ETV6: variants seen among roughly 807,000 people sequenced by gnomAD.
The protein encoded by ETV6 is ETS variant transcription factor 6, also known as transcription factor ETV6.
Under a neutral mutation model 51.1 loss-of-function variants are expected in ETV6, and 16 were observed. The observed-to-expected ratio is 0.31, with a 90% CI of 0.21 to 0.48. The LOEUF (loss-of-function observed/expected upper bound fraction) is 0.48. Ranked by LOEUF, ETV6 falls within the 20% of genes least tolerant of loss-of-function variation. The pLI is 0.99. For missense variants in ETV6, 458 were observed against 594.8 expected (o/e 0.77, Z 2.39); for synonymous variants, 240 against 224.1 (o/e 1.07, Z -0.64).
intron 1 of ETV6, among the ~76,000 whole-genome samples, 170 bp from the exon 2 acceptor site, chr12:11,752,280 C>A (rs1866045053): frequency 2.0e-5 from 3 of 152,180 alleles, no homozygotes; most frequent in African/African-American, 7.2e-5. Context: ...ATCTGAAAGA[C>A]AACTGTATAC....
intron 1 of ETV6, among the ~76,000 whole-genome samples, chr12:11,658,336 A>G (rs935878900): frequency 1.3e-5 from 2 of 152,196 alleles, no homozygotes; most frequent in Admixed American, 6.5e-5. Context: ...CCCAGGTTCA[A>G]GCAATTCTGC....
At chr12:11,673,447 T>G (rs1034495869) in intron 1 of ETV6, among the ~76,000 whole-genome samples, 4 of 152,184 alleles carry the variant, frequency 2.6e-5, no homozygotes, top group African/African-American at 7.2e-5. Flanking sequence ...AACCTTCTGC[T>G]GCCCAGGTAT....
At chr12:11,756,486 A>G (rs911764736) in intron 2 of ETV6, among the ~76,000 whole-genome samples, 29 of 152,260 alleles carry the variant, frequency 1.9e-4, no homozygotes, top group Non-Finnish European at 3.8e-4. Flanking sequence ...GGGAAAAAAA[A>G]AGTTGCATTC....
At chr12:11,758,589 T>C (rs1945038676) in intron 2 of ETV6, among the ~76,000 whole-genome samples, 1 of 152,172 alleles carries the variant, frequency 6.6e-6, no homozygotes, top group African/African-American at 2.4e-5. Flanking sequence ...CCTACCCACA[T>C]GTCTCTCCCT....
At chr12:11,693,248 C>T (rs557586558) in intron 1 of ETV6, among the ~76,000 whole-genome samples, 26 of 152,198 alleles carry the variant, frequency 1.7e-4, no homozygotes, top group Non-Finnish European at 3.2e-4. Flanking sequence ...ACATTTGCCA[C>T]GCAGGCCGTG....
chr12:11,830,847 A>G (rs1946233515), intron 2 of ETV6, among the ~76,000 whole-genome samples: 1 of 152,210 alleles, frequency 6.6e-6, no homozygotes, highest in African/African-American at 2.4e-5. Flanking sequence ...GCTAATTTGC[A>G]CTCAAATCTG....
chr12:11,705,325 T>C (rs1034216080), intron 1 of ETV6, among the ~76,000 whole-genome samples: 1 of 152,190 alleles, frequency 6.6e-6, no homozygotes, highest in African/African-American at 2.4e-5. Flanking sequence ...AGCCAAAGGC[T>C]CTCAAAAAAT....
chr12:11,865,902 T>C (rs1335989035), intron 4 of ETV6, among the ~76,000 whole-genome samples: 2 of 152,050 alleles, frequency 1.3e-5, no homozygotes, highest in African/African-American at 2.4e-5. Flanking sequence ...TCGAATTTAC[T>C]GTTGTTGATA....
At chr12:11,853,645 T>G in intron 4 of ETV6, 84 bp downstream of exon 4, 1 of 1,466,974 alleles carries the variant, frequency 6.8e-7, no homozygotes, top group South Asian at 1.2e-5. Context: ...GCTGGTCTTC[T>G]TCGTGTAAGT....
Position 11,677,908 on chromosome 12 carries a change from C to T in ETV6, c.33+27748C>T, listed in dbSNP as rs61921764. On this transcript the variant is annotated intron_variant, in intron 1 of 7. Transcript: ENST00000396373. ...GTGCAGTCACCGGAGCGCCTCCCAG[C>T]GTCCTCTGGCACAGGTAGGTGCTTC... 7.2e-5 allele frequency among the ~76,000 whole-genome samples: 11 copies of T among 152,360 alleles called. 1 individual carries two copies. In the South Asian group the frequency reaches 1.9e-3, roughly 26 times the overall value.
intron 1 of ETV6, among the ~76,000 whole-genome samples, chr12:11,675,413 T>C (rs557401638): frequency 6.6e-6 from 1 of 152,366 alleles, no homozygotes; most frequent in African/African-American, 2.4e-5. Flanking sequence ...TTTTGGAAAA[T>C]ATACTTTCTC....
chr12:11,889,141 G>A (rs1168640203), intron 7 of ETV6, among the ~76,000 whole-genome samples: 1 of 152,180 alleles, frequency 6.6e-6, no homozygotes, highest in Non-Finnish European at 1.5e-5. Flanking sequence ...TAGGACATCT[G>A]TGGAGTTGGC....
At chr12:11,806,392 T>C (rs1273757214) in intron 2 of ETV6, among the ~76,000 whole-genome samples, 3 of 152,196 alleles carry the variant, frequency 2.0e-5, no homozygotes, top group Non-Finnish European at 4.4e-5. Flanking sequence ...AGGATAAGCA[T>C]TTGATAGTGT....
At chr12:11,884,374 T>TTTGA in intron 5 of ETV6, 71 bp from the exon 6 acceptor site, 1 of 1,556,086 alleles carries the variant, frequency 6.4e-7, no homozygotes, top group Non-Finnish European at 8.8e-7. Flanking sequence ...TGGATTCTTT[T>TTTGA]TTGATTCTTC....
At chr12:11,854,317 A>G (rs949990898) in intron 4 of ETV6, among the ~76,000 whole-genome samples, 2 of 152,118 alleles carry the variant, frequency 1.3e-5, no homozygotes, top group East Asian at 3.8e-4. Flanking sequence ...AGCTTCACTC[A>G]CTTGCCCCCA....
intron 7 of ETV6, among the ~76,000 whole-genome samples, chr12:11,889,737 A>C (rs1024529041): frequency 6.6e-6 from 1 of 152,244 alleles, no homozygotes; most frequent in Non-Finnish European, 1.5e-5. Context: ...CTTCCTAGGT[A>C]AAGATGGCAG....
chr12:11,876,373 G>A (rs551239843), intron 5 of ETV6, among the ~76,000 whole-genome samples: 13 of 152,290 alleles, frequency 8.5e-5, no homozygotes, highest in South Asian at 4.1e-4. Context: ...GCCAAATTTC[G>A]TATCCTTGCT....
chr12:11,749,593 T>C (rs1865983288), intron 1 of ETV6, among the ~76,000 whole-genome samples: 1 of 152,230 alleles, frequency 6.6e-6, no homozygotes. Context: ...CAATTGCTGA[T>C]AGTCTGCTGA....
At chr12:11,876,911 C>T (rs1484062088) in intron 5 of ETV6, among the ~76,000 whole-genome samples, 2 of 152,180 alleles carry the variant, frequency 1.3e-5, no homozygotes, top group African/African-American at 4.8e-5. Context: ...TCGCAGCAAT[C>T]CTTGGAATCT....
Sources: allele counts gnomAD v4.1 joint callset (sites outside exome capture counted in the v4.1 genomes callset), GRCh38; gene constraint gnomAD v4.1.1; transcripts MANE v1.5; gene names NCBI Gene and HGNC (gene_info 2026-07-23, HGNC 2026-07-21).